Variants in PAXIP1 observed in about 807,000 individuals in gnomAD.
PAXIP1 encodes PAX interacting protein 1.
A neutral mutation model predicts 140.6 loss-of-function variants in PAXIP1; 19 were observed. The observed-to-expected ratio is 0.14, with a 90% CI of 0.09 to 0.20. The LOEUF (loss-of-function observed/expected upper bound fraction) is 0.20. Ranked by LOEUF, PAXIP1 falls within the 10% of genes least tolerant of loss-of-function variation. The pLI is 1.00. For synonymous variants in PAXIP1, 442 were observed against 444.6 expected (o/e 0.99, Z 0.07); for missense variants, 920 against 1,208.6 (o/e 0.76, Z 3.54).
chr7:154,946,535 C>A lies in PAXIP1; in HGVS notation c.3110G>T (p.Arg1037Leu). 6.2e-7 allele frequency: 1 copy of A among 1,613,892 alleles called. No individual in the cohort carries two copies. Among genetic ancestry groups the A allele is most frequent in the Non-Finnish European group, 8.5e-7 (1 of 1,179,806 alleles). The change falls in exon 19 of 21, where the codon CGA becomes CTA. Residue 1037 changes from arginine to leucine, a missense_variant. Around this residue, in one of 5 missense-constraint regions of PAXIP1, gnomAD observed 303 missense variants for 517.9 expected, o/e 0.59. Transcript: ENST00000404141. This position sits in a 1 kb window ranked among gnomAD's most constrained non-coding sequence, Gnocchi z 4.9. Reference sequence around the variant, plus strand: ...ACCTATGCCTCTGGCAAAATATTCTCGGCATAAATGAAGGTCATTTTCACA... The same window carrying A: ...ACCTATGCCTCTGGCAAAATATTCTAGGCATAAATGAAGGTCATTTTCACA... ...ISCENDLHLCREYFARGIDVH... is the reference protein window; with the variant it reads ...ISCENDLHLCLEYFARGIDVH...
chr7:154,947,065 T>C (rs2150736611), intron 17 of PAXIP1: 2 of 350,554 alleles, frequency 5.7e-6, no homozygotes, highest in South Asian at 9.5e-5. Context: ...CTTAAGTCCC[T>C]AAAACAAAGT....
At chr7:154,952,658 G>C (rs1200032220) in intron 16 of PAXIP1, among the ~76,000 whole-genome samples, 1 of 152,146 alleles carries the variant, frequency 6.6e-6, no homozygotes, top group Admixed American at 6.5e-5. Flanking sequence ...ATAAAACAAG[G>C]TTATATATGA....
chr7:154,997,728 C>A (rs1810701253), intron 2 of PAXIP1, among the ~76,000 whole-genome samples: 1 of 152,198 alleles, frequency 6.6e-6, no homozygotes, highest in African/African-American at 2.4e-5. Context: ...TCATTCTCTG[C>A]AATAAATTAC....
At chr7:154,961,714 C>G in intron 10 of PAXIP1, 66 bp from the exon 11 acceptor site, 1 of 1,311,254 alleles carries the variant, frequency 7.6e-7, no homozygotes, top group South Asian at 1.4e-5. Flanking sequence ...AGTACTATTT[C>G]TTCTACTTCT....
At position 154,986,168 on chromosome 7, in the gene PAXIP1, T is replaced by C; in HGVS notation, c.325-2836A>G. ...AAGACTCCAACAAAGAGCTCCAGCT[T>C]GTATCAACACCCTGACGGGGAAAAG... On this transcript the variant is annotated intron_variant, in intron 4 of 20. Transcript: ENST00000404141. The surrounding 1 kb of genome is among the most constrained non-coding windows in gnomAD (Gnocchi z 4.8). The C allele has an allele frequency of 7.3e-7, 1 of 1,361,664 alleles. No homozygotes were observed. The allele number at this position is 1,361,664 out of a possible 1,614,324, so 84.3% of individuals were successfully genotyped here.
chr7:154,977,567 G>C (rs1420668511), intron 5 of PAXIP1, among the ~76,000 whole-genome samples: 1 of 152,186 alleles, frequency 6.6e-6, no homozygotes, highest in Non-Finnish European at 1.5e-5. Flanking sequence ...GACTTAACTT[G>C]TGTTTGTGAG....
chr7:154,991,271 A>G (rs1286228598), intron 3 of PAXIP1, among the ~76,000 whole-genome samples: 7 of 152,334 alleles, frequency 4.6e-5, no homozygotes, highest in East Asian at 3.9e-4. Flanking sequence ...TCTGTAAAGC[A>G]CATTTTGAAA....
chr7:154,998,542 A>C (rs531032361), intron 2 of PAXIP1, 108 bp downstream of exon 2: 74 of 590,550 alleles, frequency 1.3e-4, no homozygotes, highest in Non-Finnish European at 1.8e-4. Context: ...AAAATAAAAT[A>C]AAACAGGACT....
rs116487386 is a variant in PAXIP1, at chr7:154,985,012, C to T, written c.325-1680G>A. On this transcript the variant is annotated intron_variant, in intron 4 of 20. Coordinates refer to ENST00000404141, the MANE Select transcript of PAXIP1 (RefSeq NM_007349.4). ...CATTAATACGACGCCTCCAATAACT[C>T]GCTTATGTCAACTTGGAAAACTTCC... Among the ~76,000 whole-genome samples the T allele has an allele frequency of 4.4e-3, 670 of 152,206 alleles. 6 individuals are homozygous for T. Among genetic ancestry groups the T allele is most frequent in the African/African-American group, 0.015 (616 of 41,518 alleles).
In PAXIP1 at chr7:155,002,982, C is replaced by T. The variant is rs1034014097; in HGVS notation, c.-53G>A. The T allele has an allele frequency of 1.3e-6, 1 of 793,714 alleles. No homozygotes were observed. Among genetic ancestry groups the T allele is most frequent in the South Asian group, 5.5e-5 (1 of 18,252 alleles). 49.2% of individuals were successfully genotyped at this position (793,714 alleles called of 1,614,324 possible). ...GCGGCGCCCGGCCCCGCCCACCCCC[C>T]GCCCCCGGCCCCCGCGGCGCCCGGC... On this transcript the variant is annotated 5_prime_UTR_variant, in exon 1 of 21. Coordinates refer to ENST00000404141, the MANE Select transcript of PAXIP1 (RefSeq NM_007349.4).
Position 155,002,945 on chromosome 7 carries a change from G to C in PAXIP1, c.-16C>G. The C allele has an allele frequency of 8.1e-7, 1 of 1,241,602 alleles. No homozygotes were observed. Among genetic ancestry groups the C allele is most frequent in the Non-Finnish European group, 1.0e-6 (1 of 965,380 alleles). The allele number at this position is 1,241,602 out of a possible 1,614,324, so 76.9% of individuals were successfully genotyped here. A position where few individuals can be genotyped will look rare whatever the true frequency, so the allele number is the denominator to read the frequency against. On this transcript the variant is annotated 5_prime_UTR_variant, in exon 1 of 21. Transcript: ENST00000404141. ...GGTCCGACATGATCGCGGCGGCCCG[G>C]GAGGCTCCGCGGCGGCGCCCGGCCC...
In PAXIP1 at chr7:154,975,960, T is replaced by G; in HGVS notation, c.810A>C (p.Glu270Asp). 1 of 1,613,884 alleles carries G rather than the reference T, an allele frequency of 6.2e-7. No homozygotes were observed. Among genetic ancestry groups the G allele is most frequent in the Non-Finnish European group, 8.5e-7 (1 of 1,179,836 alleles). The change falls in exon 6 of 21, where the codon GAA becomes GAC. Residue 270 changes from glutamate to aspartate, a missense_variant. Glu to Asp is a conservative substitution (Grantham distance 45). Coordinates refer to ENST00000404141, the MANE Select transcript of PAXIP1 (RefSeq NM_007349.4). ...QERNLNWTPA[E>D]VPQLAAAKRR... ...GTTTTGCTGCAGCTAACTGTGGGAC[T>G]TCGGCCGGGGTCCAGTTTAAATTTC...
intron 16 of PAXIP1, among the ~76,000 whole-genome samples, chr7:154,954,000 G>T (rs1248869600): frequency 6.6e-6 from 1 of 152,012 alleles, no homozygotes; most frequent in African/African-American, 2.4e-5. Context: ...ATACTAACAA[G>T]AAAATAAAAA....
At chr7:154,974,671 T>C (rs1445079544) in intron 6 of PAXIP1, 1 of 152,136 alleles carries the variant, frequency 6.6e-6, no homozygotes, top group African/African-American at 2.4e-5. Flanking sequence ...ATTATTTTCT[T>C]TGAAACACCT....
chr7:154,946,461 T>G lies in PAXIP1; in HGVS notation c.3134-36A>C, dbSNP rs1807979147. On this transcript the variant is annotated intron_variant, in intron 19 of 20. Coordinates refer to ENST00000404141, the MANE Select transcript of PAXIP1 (RefSeq NM_007349.4). The surrounding 1 kb of genome is among the most constrained non-coding windows in gnomAD (Gnocchi z 4.9). ...TGGAAACAGACACTTTAGTTAGAGA[T>G]CCACTGCTGTGCGTGCACACATACT... is the stretch of plus-strand genomic sequence containing the variant. 3 of 1,610,254 alleles carry G rather than the reference T, an allele frequency of 1.9e-6. No individual in the cohort carries two copies. Among genetic ancestry groups the G allele is most frequent in the Non-Finnish European group, 2.5e-6 (3 of 1,176,492 alleles).
In PAXIP1 at chr7:154,968,048, G is replaced by A. The variant is rs910963112; in HGVS notation, c.1799-138C>T. The A allele has an allele frequency of 4.0e-5, 25 of 618,798 alleles. No homozygotes were observed. In the East Asian group the frequency reaches 6.3e-4, roughly 16 times the overall value. The allele number at this position is 618,798 out of a possible 1,614,324, so 38.3% of individuals were successfully genotyped here. A position where few individuals can be genotyped will look rare whatever the true frequency, so the allele number is the denominator to read the frequency against. On this transcript the variant is annotated intron_variant, in intron 7 of 20. Transcript: ENST00000404141. Reference sequence around the variant, plus strand: ...CATGACGTATCTGCCAGTAATCAGAGTGCATAGGGAATATTGCTACGAAGA... The same window carrying A: ...CATGACGTATCTGCCAGTAATCAGAATGCATAGGGAATATTGCTACGAAGA...
At chr7:154,991,121 C>T (rs754766337) in intron 3 of PAXIP1, 52 bp from the exon 4 acceptor site, 6 of 930,602 alleles carry the variant, frequency 6.4e-6, no homozygotes, top group Non-Finnish European at 9.8e-6. Context: ...GCAACCTGTA[C>T]TTCACTAACA....
intron 6 of PAXIP1, among the ~76,000 whole-genome samples, chr7:154,971,562 G>A (rs573226262): frequency 2.6e-5 from 4 of 152,290 alleles, no homozygotes; most frequent in African/African-American, 9.6e-5. Flanking sequence ...TCTGCCTCTG[G>A]CTGGAAACAT....
chr7:154,986,435 C>T lies in PAXIP1; in HGVS notation c.325-3103G>A, dbSNP rs1019862510. Among the ~76,000 whole-genome samples, 5 of 152,218 alleles carry T rather than the reference C, an allele frequency of 3.3e-5. No homozygotes were observed. The highest frequency in any genetic ancestry group is 1.2e-4 in the African/African-American group (5 of 41,528). ...CATACCGTATTTGCCCAAGGCCTGA[C>T]CCCTCCTAGACTGTATGTTTACTGA... is the stretch of plus-strand genomic sequence containing the variant. On this transcript the variant is annotated intron_variant, in intron 4 of 20. Coordinates refer to ENST00000404141, the MANE Select transcript of PAXIP1 (RefSeq NM_007349.4). The surrounding 1 kb of genome is among the most constrained non-coding windows in gnomAD (Gnocchi z 4.8).
Sources: gnomAD v4.1 joint callset for allele counts (sites outside exome capture counted in the v4.1 genomes callset) on GRCh38, gnomAD v4.1.1 for gene constraint, gnomAD v4.1.1 regional missense constraint, Gnocchi (gnomAD v3.1) non-coding constraint, MANE v1.5 for transcripts, NCBI Gene and HGNC (gene_info 2026-07-23, HGNC 2026-07-21) for gene names.